NAV2: variants seen among roughly 807,000 people sequenced by gnomAD.
NAV2 encodes the protein neuron navigator 2.
A neutral mutation model predicts 223.2 loss-of-function variants in NAV2; 54 were observed. The ratio of observed to expected loss-of-function variants is 0.24; its 90% CI spans 0.19 to 0.30. NAV2 has a LOEUF of 0.30. Among genes scored for constraint, NAV2 ranks in the 10% least tolerant of loss-of-function variants. NAV2 has a pLI of 1.00. For missense variants in NAV2, 2,806 were observed against 3,147.5 expected (o/e 0.89, Z 2.60); for synonymous variants, 1,279 against 1,239.3 (o/e 1.03, Z -0.67).
chr11:19,452,245 GAT>G (rs980812594), intron 1 of NAV2, among the ~76,000 whole-genome samples: 1 of 152,152 alleles, frequency 6.6e-6, no homozygotes, highest in African/African-American at 2.4e-5. Flanking sequence ...AAATTTAAGA[GAT>G]TGCTTTTAAA....
chr11:19,902,188 A>G (rs780397859), intron 6 of NAV2, among the ~76,000 whole-genome samples: 1 of 152,204 alleles, frequency 6.6e-6, no homozygotes, highest in Non-Finnish European at 1.5e-5. Context: ...AACCTCAAGC[A>G]TTACAGTCAA....
At chr11:19,985,331 A>T (rs1170953571) in intron 11 of NAV2, among the ~76,000 whole-genome samples, 1 of 152,152 alleles carries the variant, frequency 6.6e-6, no homozygotes, top group African/African-American at 2.4e-5. Flanking sequence ...GAAACACTGA[A>T]TGAGTTGTTA....
chr11:20,033,536 T>G (rs916594610), intron 11 of NAV2, among the ~76,000 whole-genome samples: 1 of 152,176 alleles, frequency 6.6e-6, no homozygotes, highest in Admixed American at 6.5e-5. Context: ...GAGTGAAGTG[T>G]GCAGAGTTCC....
chr11:19,776,607 T>TGTGTGG (rs1480460414), intron 1 of NAV2, among the ~76,000 whole-genome samples: 1 of 103,342 alleles, frequency 9.7e-6, no homozygotes, highest in African/African-American at 3.3e-5. Flanking sequence ...TGTGTGTGTG[T>TGTGTGG]GGTTAGAGTT....
At chr11:20,070,807 G>A (rs974463808) in intron 22 of NAV2, among the ~76,000 whole-genome samples, 3 of 152,092 alleles carry the variant, frequency 2.0e-5, no homozygotes, top group African/African-American at 7.2e-5. Context: ...TCCACAGTCT[G>A]TATTTTCATA....
intron 1 of NAV2, among the ~76,000 whole-genome samples, chr11:19,670,023 C>T (rs2048535145): frequency 6.6e-6 from 1 of 152,238 alleles, no homozygotes; most frequent in African/African-American, 2.4e-5. Context: ...TGCGATCCAG[C>T]TCCTGCCTTC....
At chr11:19,700,796 G>A (rs2049489712) in intron 1 of NAV2, among the ~76,000 whole-genome samples, 1 of 152,310 alleles carries the variant, frequency 6.6e-6, no homozygotes, top group Admixed American at 6.5e-5. Flanking sequence ...ATTCACTGAT[G>A]TGGTTATGTA....
intron 1 of NAV2, among the ~76,000 whole-genome samples, chr11:19,465,997 G>T (rs549564299): frequency 1.3e-5 from 2 of 152,320 alleles, no homozygotes; most frequent in Non-Finnish European, 2.9e-5. Context: ...AGATGTAGGG[G>T]TCTAGAAATA....
At chr11:19,807,510 G>T (rs998038517) in intron 1 of NAV2, among the ~76,000 whole-genome samples, 6 of 152,190 alleles carry the variant, frequency 3.9e-5, no homozygotes, top group Admixed American at 1.3e-4. Context: ...TGAGACATTT[G>T]AATTCCTTGC....
chr11:19,833,076 T>A (rs1189535912), intron 2 of NAV2, among the ~76,000 whole-genome samples: 2 of 152,196 alleles, frequency 1.3e-5, no homozygotes, highest in Non-Finnish European at 2.9e-5. Context: ...GGGTTAATAC[T>A]AGGGGAAGGG....
At chr11:19,657,650 G>C (rs1167599433) in intron 1 of NAV2, among the ~76,000 whole-genome samples, 2 of 152,182 alleles carry the variant, frequency 1.3e-5, no homozygotes, top group African/African-American at 2.4e-5. Flanking sequence ...GGGTAGACCA[G>C]ATGTGGAGGG....
In NAV2 at chr11:19,534,596, C is replaced by T. The variant is rs113574581; in HGVS notation, c.75+183569C>T. ...TCAGTTTGAGGAAAGGAGGATCACA[C>T]AGTATCTGCAGATGCAAGAAGATAC... On this transcript the variant is annotated intron_variant, in intron 1 of 37. Transcript: ENST00000360655. Among the ~76,000 whole-genome samples, 5 of 152,346 alleles carry T rather than the reference C, an allele frequency of 3.3e-5. No homozygotes were observed. The East Asian group carries it at 5.8e-4, about 18-fold the overall frequency.
intron 37 of NAV2, 82 bp downstream of exon 37, chr11:20,114,877 A>G: frequency 7.5e-7 from 1 of 1,335,274 alleles, no homozygotes; most frequent in Non-Finnish European, 1.0e-6. Flanking sequence ...CTCTGGAAAT[A>G]CAAAGGTGAC....
rs181311798 is a variant in NAV2 at position 19,554,795 on chromosome 11, C to T, written c.75+203768C>T. Among the ~76,000 whole-genome samples the T allele has an allele frequency of 5.5e-3, 833 of 151,940 alleles. 4 individuals are homozygous for T. The highest frequency in any genetic ancestry group is 0.018 in the African/African-American group (762 of 41,414). ...CAGCCTGACCAACATGGAGAAACCC[C>T]GTCTCTACTAAAAATACAAAATTAG... On this transcript the variant is annotated intron_variant, in intron 1 of 37. Coordinates refer to the NAV2 transcript ENST00000360655.
At chr11:19,458,942 C>A (rs1436660895) in intron 1 of NAV2, among the ~76,000 whole-genome samples, 1 of 152,252 alleles carries the variant, frequency 6.6e-6, no homozygotes, top group Non-Finnish European at 1.5e-5. Context: ...GCAGAGACAG[C>A]ATGAGCCACA....
At chr11:19,350,071 C>T (rs905887459), upstream of NAV2, among the ~76,000 whole-genome samples, 3 of 137,008 alleles carry the variant, frequency 2.2e-5, no homozygotes, top group East Asian at 2.2e-4. Context: ...TTCATACTAT[C>T]GTGCCTTATT....
chr11:19,827,578 G>A (rs1461952282), intron 1 of NAV2, among the ~76,000 whole-genome samples: 1 of 152,188 alleles, frequency 6.6e-6, no homozygotes, highest in Non-Finnish European at 1.5e-5. Context: ...AGCTTGACTA[G>A]CTCAGATTCC....
At chr11:19,768,760 T>C (rs1371583916) in intron 1 of NAV2, among the ~76,000 whole-genome samples, 2 of 152,182 alleles carry the variant, frequency 1.3e-5, no homozygotes, top group African/African-American at 4.8e-5. Context: ...GTGTGACAAT[T>C]AGCAATTTGC....
chr11:19,564,198 G>C (rs1464063564), intron 1 of NAV2, among the ~76,000 whole-genome samples: 1 of 152,148 alleles, frequency 6.6e-6, no homozygotes, highest in African/African-American at 2.4e-5. Flanking sequence ...GCCACCAGCA[G>C]GGGGAAGCAT....
Sources: allele counts gnomAD v4.1 joint callset (sites outside exome capture counted in the v4.1 genomes callset), GRCh38; gene constraint gnomAD v4.1.1; transcripts MANE v1.5; gene names NCBI Gene and HGNC (gene_info 2026-07-23, HGNC 2026-07-21).